CD44: variants seen among roughly 807,000 people sequenced by gnomAD.
The protein encoded by CD44 is CD44 molecule (IN blood group).
A neutral mutation model predicts 88.8 loss-of-function variants in CD44; 49 were observed. The observed-to-expected ratio is 0.55, with a 90% CI of 0.44 to 0.70. The LOEUF (loss-of-function observed/expected upper bound fraction) is 0.70, where lower values mean the gene tolerates loss of function less well. CD44 is among the 30% of genes least tolerant of loss of function. The pLI is 0.00. For synonymous variants in CD44, 325 were observed against 312.3 expected, an observed-to-expected ratio of 1.04 and a Z score of -0.43; for missense variants, 883 against 913.8, an observed-to-expected ratio of 0.97 and a Z score of 0.43.
At chr11:35,194,324 T>C (rs1374729252) in intron 5 of CD44, among the ~76,000 whole-genome samples, 1 of 152,202 alleles carries the variant, frequency 6.6e-6, no homozygotes. Flanking sequence ...TTTCTAATTA[T>C]CATTCAATAA....
At chr11:35,200,885 A>G (rs1027560958) in intron 7 of CD44, among the ~76,000 whole-genome samples, 197 bp from the exon 8 acceptor site, 4 of 152,180 alleles carry the variant, frequency 2.6e-5, no homozygotes, top group Admixed American at 6.5e-5. Context: ...AATGCAAAGG[A>G]CACTGAGATG....
intron 16 of CD44, among the ~76,000 whole-genome samples, chr11:35,220,470 A>G (rs886370827): frequency 1.3e-5 from 2 of 152,162 alleles, no homozygotes; most frequent in African/African-American, 2.4e-5. Context: ...AGATAAACCA[A>G]AATTTCCAAG....
Position 35,148,332 on chromosome 11 carries a change from C to A in CD44, c.67+8962C>A, listed in dbSNP as rs559608668. 2.0e-5 allele frequency among the ~76,000 whole-genome samples: 3 copies of A among 152,332 alleles called. No homozygotes were observed. In the East Asian group the frequency reaches 5.8e-4, roughly 29 times the overall value. ...TGCAGGAAACCAGCTGACGTCAGCT[C>A]CGCAGCCACCAGTGAGTTACTGGGC... On this transcript the variant is annotated intron_variant, in intron 1 of 17. Coordinates refer to ENST00000428726, the MANE Select transcript of CD44 (RefSeq NM_000610.4).
intron 5 of CD44, among the ~76,000 whole-genome samples, chr11:35,193,443 A>T (rs1443370160): frequency 1.3e-5 from 2 of 152,224 alleles, no homozygotes; most frequent in Non-Finnish European, 2.9e-5. Flanking sequence ...CCTAGGGTTC[A>T]TGGACCTTCA....
chr11:35,165,821 TG>T (rs1204058816), intron 1 of CD44, among the ~76,000 whole-genome samples: 1 of 152,162 alleles, frequency 6.6e-6, no homozygotes, highest in Non-Finnish European at 1.5e-5. Flanking sequence ...CACTCCCAGA[TG>T]GGGGCCCCCG....
At chr11:35,196,974 T>G in intron 6 of CD44, 100 bp downstream of exon 6, 1 of 1,279,548 alleles carries the variant, frequency 7.8e-7, no homozygotes, top group South Asian at 1.4e-5. Flanking sequence ...GTTCCTTCTA[T>G]TCTCACAAAT....
At chr11:35,159,751 G>A (rs1276355309) in intron 1 of CD44, among the ~76,000 whole-genome samples, 8 of 152,266 alleles carry the variant, frequency 5.3e-5, no homozygotes, top group East Asian at 1.9e-4. Context: ...CTCATAAAGC[G>A]GACGTAACCT....
At position 35,164,297 on chromosome 11, in the gene CD44, G is replaced by T. The variant is rs184936899; in HGVS notation, c.68-12278G>T. Among the ~76,000 whole-genome samples the T allele has an allele frequency of 1.7e-3, 254 of 152,266 alleles. 2 individuals carry two copies. Among genetic ancestry groups the T allele is most frequent in the Admixed American group, 4.2e-3 (64 of 15,294 alleles). On this transcript the variant is annotated intron_variant, in intron 1 of 17. Coordinates refer to ENST00000428726, the MANE Select transcript of CD44 (RefSeq NM_000610.4). ...CCTGGCTCTTGCCACATTCATAGCA[G>T]GATGCTGAGTGGATTGTACTCAGCC...
At chr11:35,206,312 C>G (rs769666365) in intron 11 of CD44, 69 bp downstream of exon 11, 105 of 1,470,944 alleles carry the variant, frequency 7.1e-5, no homozygotes, top group Non-Finnish European at 9.2e-5. Flanking sequence ...GACTATTTTT[C>G]TAGAAATATG....
At chr11:35,203,629 G>A (rs1052285474) in intron 9 of CD44, among the ~76,000 whole-genome samples, 1 of 151,628 alleles carries the variant, frequency 6.6e-6, no homozygotes, top group East Asian at 1.9e-4. Context: ...TCTAAGATAA[G>A]GAAATACAAC....
intron 1 of CD44, among the ~76,000 whole-genome samples, chr11:35,175,283 A>G (rs72916131): frequency 0.029 from 4,402 of 152,294 alleles, 95 homozygotes; most frequent in Non-Finnish European, 0.044. Context: ...TAATAAGAAC[A>G]TTTATACTGG....
chr11:35,149,578 C>T (rs1242658768), intron 1 of CD44, among the ~76,000 whole-genome samples: 1 of 152,192 alleles, frequency 6.6e-6, no homozygotes, highest in Non-Finnish European at 1.5e-5. Flanking sequence ...TCACTATGTG[C>T]TGCTAGGCAA....
At position 35,208,659 on chromosome 11, in the gene CD44, G is replaced by A. The variant is rs147971605; in HGVS notation, c.1516+453G>A. Among the ~76,000 whole-genome samples, 25 of 152,294 alleles carry A rather than the reference G, an allele frequency of 1.6e-4. No homozygotes were observed. The East Asian group carries it at 4.8e-3, about 29-fold the overall frequency. On this transcript the variant is annotated intron_variant, in intron 12 of 17. Coordinates refer to ENST00000428726, the MANE Select transcript of CD44 (RefSeq NM_000610.4). ...CCTAGAGATCACATCAGTTCTCAGA[G>A]GAGAGGCAAGGCATGTTATTGACAA... is the stretch of plus-strand genomic sequence containing the variant.
At chr11:35,153,220 C>T (rs1250998115) in intron 1 of CD44, among the ~76,000 whole-genome samples, 2 of 152,098 alleles carry the variant, frequency 1.3e-5, no homozygotes, top group Admixed American at 6.5e-5. Context: ...AGGACACTAA[C>T]TAAACAAGAA....
At chr11:35,147,423 A>G (rs1385105564) in intron 1 of CD44, among the ~76,000 whole-genome samples, 1 of 152,090 alleles carries the variant, frequency 6.6e-6, no homozygotes, top group African/African-American at 2.4e-5. Flanking sequence ...CCAGGCTTCT[A>G]TTTGGCCCAG....
chr11:35,140,789 G>T (rs186692691), intron 1 of CD44, among the ~76,000 whole-genome samples: 15 of 152,138 alleles, frequency 9.9e-5, no homozygotes, highest in African/African-American at 3.6e-4. Flanking sequence ...GGGAGGCTGA[G>T]GCAGCAAATT....
chr11:35,231,080 C>T lies in CD44; in HGVS notation c.*1747C>T, dbSNP rs963374222. 1.3e-5 allele frequency: 2 copies of T among 153,040 alleles called. No individual in the cohort carries two copies. Among genetic ancestry groups the T allele is most frequent in the African/African-American group, 2.4e-5 (1 of 41,466 alleles). The allele number at this position is 153,040 out of a possible 1,614,324, so 9.5% of individuals were successfully genotyped here. On this transcript the variant is annotated 3_prime_UTR_variant, in exon 18 of 18. Coordinates refer to ENST00000428726, the MANE Select transcript of CD44 (RefSeq NM_000610.4). ...TCCCTGTCTACCCTCTCCCCTCCCTCTCTCCCTCCACTTCACCCCACAATC... is the reference window on the plus strand; with the variant it reads ...TCCCTGTCTACCCTCTCCCCTCCCTTTCTCCCTCCACTTCACCCCACAATC...
intron 12 of CD44, among the ~76,000 whole-genome samples, chr11:35,209,265 C>A (rs1036635306): frequency 6.6e-6 from 1 of 152,164 alleles, no homozygotes; most frequent in African/African-American, 2.4e-5. Flanking sequence ...TAGATATGGG[C>A]AATGGGTCAA....
chr11:35,154,730 G>A (rs1431514150), intron 1 of CD44, among the ~76,000 whole-genome samples: 1 of 152,168 alleles, frequency 6.6e-6, no homozygotes, highest in Non-Finnish European at 1.5e-5. Flanking sequence ...ACCCATCTAT[G>A]CATCAAACCA....
Sources: gnomAD v4.1 joint callset for allele counts (sites outside exome capture counted in the v4.1 genomes callset) on GRCh38, gnomAD v4.1.1 for gene constraint, MANE v1.5 for transcripts, NCBI Gene and HGNC (gene_info 2026-07-23, HGNC 2026-07-21) for gene names.